DOCK2: variants seen among roughly 807,000 people sequenced by gnomAD.
DOCK2 encodes dedicator of cytokinesis protein 2.
A neutral mutation model predicts 248.9 loss-of-function variants in DOCK2; 87 were observed. The observed-to-expected ratio is 0.35, with a 90% confidence interval of 0.29 to 0.42. DOCK2 has a LOEUF of 0.42. Ranked by LOEUF, DOCK2 falls within the 10% of genes least tolerant of loss-of-function variation. The pLI, the probability that DOCK2 is intolerant of heterozygous loss-of-function variation, is 1.00. For synonymous variants in DOCK2, 805 were observed against 821.6 expected (o/e 0.98, Z 0.35); for missense variants, 1,747 against 2,300.2 (o/e 0.76, Z 4.92).
intron 27 of DOCK2, among the ~76,000 whole-genome samples, chr5:169,955,670 A>T (rs1776836553): frequency 6.6e-6 from 1 of 152,186 alleles, no homozygotes; most frequent in Admixed American, 6.5e-5. Context: ...CTGGTTTTGA[A>T]TTCCAGCCTA....
intron 27 of DOCK2, among the ~76,000 whole-genome samples, chr5:169,948,153 A>T (rs1776519494): frequency 6.6e-6 from 1 of 151,776 alleles, no homozygotes; most frequent in Non-Finnish European, 1.5e-5. Context: ...ATTTCATCCA[A>T]CCTCTTCTCT....
chr5:170,042,265 C>T, intron 38 of DOCK2, 133 bp downstream of exon 38: 2 of 1,149,390 alleles, frequency 1.7e-6, no homozygotes, highest in South Asian at 1.6e-5. Context: ...CACTTCTCTC[C>T]ACTTCCTCTC....
chr5:170,027,973 G>A, intron 34 of DOCK2, 25 bp downstream of exon 34: 1 of 1,597,678 alleles, frequency 6.3e-7, no homozygotes, highest in Non-Finnish European at 8.5e-7. Context: ...CTGTGTGTAG[G>A]AACAGCCTGT....
intron 23 of DOCK2, among the ~76,000 whole-genome samples, chr5:169,755,865 T>C (rs1044062395): frequency 2.0e-5 from 3 of 152,252 alleles, no homozygotes; most frequent in African/African-American, 4.8e-5. Context: ...CTCTGCCTTC[T>C]GGGAGCGTTT....
chr5:169,785,131 C>T (rs1765917693), intron 25 of DOCK2, among the ~76,000 whole-genome samples: 2 of 152,108 alleles, frequency 1.3e-5, no homozygotes, highest in Admixed American at 6.5e-5. Context: ...TGTTGATAAC[C>T]TCATTATGGG....
chr5:169,818,127 C>T (rs78183554), intron 26 of DOCK2, among the ~76,000 whole-genome samples: 34 of 152,272 alleles, frequency 2.2e-4, no homozygotes, highest in African/African-American at 7.5e-4. Flanking sequence ...CGTGAACATG[C>T]GTAACCCATA....
At chr5:169,869,319 A>T (rs1771793655) in intron 27 of DOCK2, among the ~76,000 whole-genome samples, 1 of 152,158 alleles carries the variant, frequency 6.6e-6, no homozygotes, top group South Asian at 2.1e-4. Flanking sequence ...CCCTCTTGTG[A>T]CTGCCCCCAC....
At chr5:169,908,985 G>A (rs1049051475) in intron 27 of DOCK2, among the ~76,000 whole-genome samples, 8 of 152,212 alleles carry the variant, frequency 5.3e-5, no homozygotes, top group African/African-American at 7.2e-5. Context: ...GCCTCTGGCA[G>A]AGAGAGCCAC....
At chr5:169,839,563 G>A (rs988999913) in intron 26 of DOCK2, among the ~76,000 whole-genome samples, 15 of 152,164 alleles carry the variant, frequency 9.9e-5, no homozygotes, top group African/African-American at 3.4e-4. Flanking sequence ...AATGCTCCAA[G>A]ATATAGATGA....
At chr5:169,849,211 G>T (rs190188894) in intron 27 of DOCK2, among the ~76,000 whole-genome samples, 1 of 152,208 alleles carries the variant, frequency 6.6e-6, no homozygotes, top group African/African-American at 2.4e-5. Flanking sequence ...CACCCTGTAT[G>T]CTAGGCAAAT....
At chr5:169,686,513 C>A (rs1307928111) in intron 8 of DOCK2, among the ~76,000 whole-genome samples, 1 of 152,056 alleles carries the variant, frequency 6.6e-6, no homozygotes, top group Admixed American at 6.5e-5. Flanking sequence ...CAGAAACCAG[C>A]AATTGTGAAA....
At chr5:169,877,680 T>C (rs1245998331) in intron 27 of DOCK2, among the ~76,000 whole-genome samples, 1 of 152,150 alleles carries the variant, frequency 6.6e-6, no homozygotes, top group Non-Finnish European at 1.5e-5. Context: ...GATAGATTGA[T>C]ATAGATATCA....
intron 27 of DOCK2, among the ~76,000 whole-genome samples, chr5:169,908,655 A>G (rs1165500570): frequency 2.0e-5 from 3 of 149,792 alleles, no homozygotes; most frequent in East Asian, 4.0e-4. Flanking sequence ...ACAGTGAACT[A>G]TGTTTGTAGT....
intron 27 of DOCK2, chr5:169,883,915 G>C: frequency 6.8e-7 from 1 of 1,478,764 alleles, no homozygotes; most frequent in Non-Finnish European, 9.0e-7. Context: ...TCAGTGGGAA[G>C]GATCAGGACC....
intron 27 of DOCK2, among the ~76,000 whole-genome samples, chr5:169,851,255 G>C (rs994424220): frequency 6.6e-6 from 1 of 152,206 alleles, no homozygotes; most frequent in African/African-American, 2.4e-5. Flanking sequence ...AATCTTTCCT[G>C]TAAAGATTTT....
At chr5:170,033,739 C>T (rs1286262826) in intron 34 of DOCK2, among the ~76,000 whole-genome samples, 2 of 152,222 alleles carry the variant, frequency 1.3e-5, no homozygotes, top group Non-Finnish European at 2.9e-5. Flanking sequence ...TTTAGAATAA[C>T]ACCCTGGCCA....
chr5:170,067,635 G>T lies in DOCK2; in HGVS notation c.4593G>T (p.Leu1531=). The change falls in exon 45 of 52, where the codon CTG becomes CTT. Residue 1531 remains leucine (L), a synonymous_variant. Coordinates refer to ENST00000520908, the MANE Select transcript of DOCK2 (RefSeq NM_004946.3). ...TLPINPLSML[L]NGIVDPAVMG... The stretch of plus-strand genomic sequence containing the variant: ...CCATCAACCCACTCTCCATGCTCCT[G>T]AACGGGATTGTGGACCCTGCTGTCA... The T allele has an allele frequency of 1.2e-6, 2 of 1,614,186 alleles. No individual in the cohort carries two copies. Among genetic ancestry groups the T allele is most frequent in the Non-Finnish European group, 1.7e-6 (2 of 1,180,026 alleles).
At chr5:169,680,675 C>T (rs1759608881) in intron 6 of DOCK2, among the ~76,000 whole-genome samples, 2 of 151,922 alleles carry the variant, frequency 1.3e-5, no homozygotes, top group South Asian at 4.2e-4. Flanking sequence ...AAGCTATGAT[C>T]ACACCACTGT....
chr5:169,974,638 C>T (rs375769689), intron 27 of DOCK2, among the ~76,000 whole-genome samples: 1 of 151,952 alleles, frequency 6.6e-6, no homozygotes, highest in Admixed American at 6.6e-5. Flanking sequence ...GATCCTTATC[C>T]AGAGCTCCAT....
Sources: gnomAD v4.1 joint callset for allele counts (sites outside exome capture counted in the v4.1 genomes callset) on GRCh38, gnomAD v4.1.1 for gene constraint, MANE v1.5 for transcripts, NCBI Gene and HGNC (gene_info 2026-07-23, HGNC 2026-07-21) for gene names.